The following RNF180 variants were observed in gnomAD, a reference collection of about 807,000 sequenced individuals.
RNF180 encodes E3 ubiquitin-protein ligase RNF180.
In RNF180, 38 loss-of-function variants were observed where a neutral mutation model predicts 59.2. The observed-to-expected ratio is 0.64, with a 90% CI of 0.50 to 0.84. The LOEUF (loss-of-function observed/expected upper bound fraction) is 0.84, where lower values mean the gene tolerates loss of function less well. Ranked by LOEUF, RNF180 falls within the 40% of genes least tolerant of loss-of-function variation. The probability of loss-of-function intolerance (pLI) is 0.00; values close to 1 mark genes in which losing one functional copy is unlikely to be tolerated. For missense variants in RNF180, 705 were observed against 700.9 expected (o/e 1.01, Z -0.07); for synonymous variants, 262 against 240.3 (o/e 1.09, Z -0.84).
chr5:64,190,219 A>T lies in RNF180; in HGVS notation c.1-10589A>T, dbSNP rs561617129. ...GACCATTAAGCCAGAAAGGATTATT[A>T]TTGTGCCTTAATTTGTCTTGCTAGG... On this transcript the variant is annotated intron_variant, in intron 1 of 7. Coordinates refer to ENST00000389100, the MANE Select transcript of RNF180 (RefSeq NM_001113561.2). Among the ~76,000 whole-genome samples, 3 of 152,258 alleles carry T rather than the reference A, an allele frequency of 2.0e-5. No individual in the cohort carries two copies. In the East Asian group the frequency reaches 5.8e-4, roughly 29 times the overall value.
At chr5:64,353,223 C>G (rs1021710328) in intron 7 of RNF180, among the ~76,000 whole-genome samples, 1 of 151,494 alleles carries the variant, frequency 6.6e-6, no homozygotes, top group African/African-American at 2.4e-5. Flanking sequence ...AAGAAAAAAC[C>G]TTTTCTGTTT....
At chr5:64,169,309 G>C (rs1749814736) in intron 1 of RNF180, among the ~76,000 whole-genome samples, 1 of 152,144 alleles carries the variant, frequency 6.6e-6, no homozygotes, top group Non-Finnish European at 1.5e-5. Flanking sequence ...CCAAAACTTA[G>C]GGCATTAACG....
chr5:64,195,767 T>C (rs1019750762), intron 1 of RNF180, among the ~76,000 whole-genome samples: 7 of 152,180 alleles, frequency 4.6e-5, no homozygotes, highest in African/African-American at 9.7e-5. Context: ...ACCCAGTTAT[T>C]CTAGTTTAGG....
At chr5:64,282,898 T>G (rs1436147894) in intron 5 of RNF180, among the ~76,000 whole-genome samples, 1 of 152,164 alleles carries the variant, frequency 6.6e-6, no homozygotes, top group African/African-American at 2.4e-5. Flanking sequence ...TTTCTTCAAT[T>G]TGAGAATTGT....
intron 1 of RNF180, among the ~76,000 whole-genome samples, chr5:64,171,351 G>T (rs1749924256): frequency 6.6e-6 from 1 of 152,198 alleles, no homozygotes; most frequent in African/African-American, 2.4e-5. Flanking sequence ...ATATACCGCA[G>T]GTGTGAAGTA....
chr5:64,351,985 C>T (rs2112585199), intron 7 of RNF180, among the ~76,000 whole-genome samples: 1 of 152,220 alleles, frequency 6.6e-6, no homozygotes, highest in East Asian at 1.9e-4. Flanking sequence ...GGTACCAGCT[C>T]CTCCTTGTAC....
At chr5:64,201,007 C>T in intron 2 of RNF180, 65 bp downstream of exon 2, 1 of 1,237,926 alleles carries the variant, frequency 8.1e-7, no homozygotes, top group Non-Finnish European at 1.2e-6. Context: ...TATCCACACA[C>T]ATGCACACTT....
chr5:64,319,548 A>G (rs1744238591), intron 5 of RNF180, among the ~76,000 whole-genome samples: 1 of 152,230 alleles, frequency 6.6e-6, no homozygotes, highest in Non-Finnish European at 1.5e-5. Context: ...CTTTTCTATA[A>G]ACTTGAAATT....
intron 5 of RNF180, among the ~76,000 whole-genome samples, chr5:64,321,732 G>T (rs914977421): frequency 6.6e-6 from 1 of 152,142 alleles, no homozygotes; most frequent in African/African-American, 2.4e-5. Flanking sequence ...AAAGAAGAAG[G>T]CTGGAGGCAT....
rs1466174032 is a variant in RNF180, at chr5:64,370,709, A to C, written c.*895A>C. ...CCTGACATTTTTAATTACAGTAATC[A>C]TTAATTTTTTTCATTATTAAAATTT... On this transcript the variant is annotated 3_prime_UTR_variant, in exon 8 of 8. Coordinates refer to ENST00000389100, the MANE Select transcript of RNF180 (RefSeq NM_001113561.2). 1.3e-5 allele frequency: 2 copies of C among 151,780 alleles called. No homozygotes were observed. The highest frequency in any genetic ancestry group is 4.8e-5 in the African/African-American group (2 of 41,512). The allele number at this position is 151,780 out of a possible 1,614,324, so 9.4% of individuals were successfully genotyped here. A position where few individuals can be genotyped will look rare whatever the true frequency, so the allele number is the denominator to read the frequency against.
chr5:64,218,716 CTTT>C (rs1417124448), intron 5 of RNF180, among the ~76,000 whole-genome samples: 1 of 152,094 alleles, frequency 6.6e-6, no homozygotes, highest in African/African-American at 2.4e-5. Flanking sequence ...GTATGTCTTT[CTTT>C]TTAAGTCTTT....
intron 5 of RNF180, among the ~76,000 whole-genome samples, chr5:64,228,923 T>G (rs912619316): frequency 1.4e-5 from 2 of 145,878 alleles, no homozygotes; most frequent in African/African-American, 5.1e-5. Flanking sequence ...TGCTTTTTTT[T>G]TTTTTTTTTT....
chr5:64,207,535 A>G (rs1047167467), intron 2 of RNF180, among the ~76,000 whole-genome samples: 1 of 152,184 alleles, frequency 6.6e-6, no homozygotes, highest in Admixed American at 6.6e-5. Context: ...CTTGTAAGTC[A>G]AAGACTTTGA....
intron 2 of RNF180, 91 bp from the exon 3 acceptor site, chr5:64,211,974 A>G (rs1580009926): frequency 2.8e-6 from 2 of 703,128 alleles, no homozygotes; most frequent in East Asian, 5.5e-5. Context: ...GCTAAAATAG[A>G]ATTTGTATTT....
intron 5 of RNF180, among the ~76,000 whole-genome samples, chr5:64,223,778 T>C (rs562138685): frequency 1.3e-4 from 20 of 152,294 alleles, no homozygotes; most frequent in Admixed American, 3.3e-4. Flanking sequence ...ACTTGGTAGT[T>C]TACTCTTTGC....
intron 6 of RNF180, 113 bp from the exon 7 acceptor site, chr5:64,330,168 A>G: frequency 6.9e-6 from 5 of 727,330 alleles, no homozygotes; most frequent in Non-Finnish European, 1.1e-5. Flanking sequence ...ACTGACTTAA[A>G]GAGGTGTGAA....
chr5:64,351,821 G>A (rs2112584876), intron 7 of RNF180, among the ~76,000 whole-genome samples: 1 of 152,142 alleles, frequency 6.6e-6, no homozygotes, highest in South Asian at 2.1e-4. Flanking sequence ...TTTTATTGAG[G>A]ATTTTTGCAT....
intron 5 of RNF180, among the ~76,000 whole-genome samples, chr5:64,311,749 A>T (rs1743777595): frequency 6.6e-6 from 1 of 151,972 alleles, no homozygotes; most frequent in Non-Finnish European, 1.5e-5. Flanking sequence ...ACCATCTTCT[A>T]CCAATAATCT....
At chr5:64,364,544 C>T (rs567281721) in intron 7 of RNF180, among the ~76,000 whole-genome samples, 1 of 151,266 alleles carries the variant, frequency 6.6e-6, no homozygotes, top group African/African-American at 2.4e-5. Context: ...TTTTTTTGTT[C>T]TTGTGTCTCT....
Sources: gnomAD v4.1 joint callset for allele counts (sites outside exome capture counted in the v4.1 genomes callset) on GRCh38, gnomAD v4.1.1 for gene constraint, MANE v1.5 for transcripts, NCBI Gene and HGNC (gene_info 2026-07-23, HGNC 2026-07-21) for gene names.